The following TMEM229B variants were observed in gnomAD, a reference collection of about 807,000 sequenced individuals.
The protein encoded by TMEM229B is chromosome 14 open reading frame 83.
Under a neutral mutation model 13.7 loss-of-function variants are expected in TMEM229B, and 6 were observed. That is an observed-to-expected ratio of 0.44 (90% CI 0.24 to 0.86). TMEM229B has a LOEUF of 0.86. TMEM229B is among the 40% of genes least tolerant of loss of function. The pLI is 0.23. For missense variants in TMEM229B, 170 were observed against 236.0 expected, an observed-to-expected ratio of 0.72 and a Z score of 1.83; for synonymous variants, 107 against 102.1, an observed-to-expected ratio of 1.05 and a Z score of -0.29.
intron 2 of TMEM229B, among the ~76,000 whole-genome samples, chr14:67,481,291 A>C (rs2140091692): frequency 6.6e-6 from 1 of 152,298 alleles, no homozygotes; most frequent in Non-Finnish European, 1.5e-5. Context: ...CTTAAAAAAG[A>C]AAGAAAGAAA....
intron 1 of TMEM229B, chr14:67,533,610 C>G (rs1176289648): frequency 6.6e-6 from 1 of 152,126 alleles, no homozygotes; most frequent in Non-Finnish European, 1.5e-5. Context: ...CGCCGCGAGG[C>G]CAGGAGGAGC....
chr14:67,522,445 C>T (rs563053593), intron 1 of TMEM229B, among the ~76,000 whole-genome samples: 2 of 152,216 alleles, frequency 1.3e-5, no homozygotes, highest in East Asian at 1.9e-4. Flanking sequence ...ATTGTTGAGG[C>T]GAGCCTGGTT....
intron 1 of TMEM229B, among the ~76,000 whole-genome samples, chr14:67,532,521 C>T (rs2033496657): frequency 6.6e-6 from 1 of 152,150 alleles, no homozygotes; most frequent in South Asian, 2.1e-4. Flanking sequence ...ACGAGGAGCA[C>T]ATGGGCACGC....
At chr14:67,500,733 G>A (rs1030124309) in intron 1 of TMEM229B, among the ~76,000 whole-genome samples, 14 of 151,342 alleles carry the variant, frequency 9.3e-5, no homozygotes, top group Admixed American at 7.2e-4. Flanking sequence ...CACCACGCCC[G>A]GCTAATTTTT....
chr14:67,498,154 G>C (rs2032464332), intron 1 of TMEM229B, among the ~76,000 whole-genome samples: 1 of 152,132 alleles, frequency 6.6e-6, no homozygotes, highest in African/African-American at 2.4e-5. Context: ...CGCCTTTACA[G>C]ATTAATCTCT....
chr14:67,514,238 G>T (rs2033123056), intron 1 of TMEM229B, among the ~76,000 whole-genome samples: 1 of 152,140 alleles, frequency 6.6e-6, no homozygotes, highest in African/African-American at 2.4e-5. Context: ...ACACCCCCAG[G>T]GAAACCCTGG....
At chr14:67,520,002 C>T (rs2033267812), upstream of TMEM229B, among the ~76,000 whole-genome samples, 1 of 152,122 alleles carries the variant, frequency 6.6e-6, no homozygotes, top group Admixed American at 6.5e-5. Flanking sequence ...GGATCATAGG[C>T]GTGAGCCACC....
chr14:67,482,210 A>T (rs1195406068), intron 2 of TMEM229B, among the ~76,000 whole-genome samples: 1 of 152,170 alleles, frequency 6.6e-6, no homozygotes, highest in Non-Finnish European at 1.5e-5. Context: ...CACTAAGAGC[A>T]TCTCACCGGC....
chr14:67,473,985 G>A lies in TMEM229B; in HGVS notation c.-18-44C>T. The A allele has an allele frequency of 1.3e-6, 2 of 1,511,902 alleles. No homozygotes were observed. Among genetic ancestry groups the A allele is most frequent in the Non-Finnish European group, 1.8e-6 (2 of 1,130,986 alleles). The allele number at this position is 1,511,902 out of a possible 1,614,324, so 93.7% of individuals were successfully genotyped here. A position where few individuals can be genotyped will look rare whatever the true frequency, so the allele number is the denominator to read the frequency against. On this transcript the variant is annotated intron_variant, in intron 2 of 2. Coordinates refer to ENST00000554480, the MANE Select transcript of TMEM229B (RefSeq NM_001348543.2). The surrounding 1 kb of genome is among the most constrained non-coding windows in gnomAD (Gnocchi z 6.5). ...AGACAGGTGAGGGCCGGGCGCGGTG[G>A]CTCACGCCTATAATCCCTGCGCTTT...
chr14:67,473,295 G>T lies in TMEM229B; in HGVS notation c.*125C>A. ...CCGCGGACGTTAGGGGGCTCTGTGTGCCCTATAGGGCTGAGGCTTGGCCGG... is the reference window on the plus strand; with the variant it reads ...CCGCGGACGTTAGGGGGCTCTGTGTTCCCTATAGGGCTGAGGCTTGGCCGG... On this transcript the variant is annotated 3_prime_UTR_variant, in exon 3 of 3. Transcript: ENST00000554480. The surrounding 1 kb of genome is among the most constrained non-coding windows in gnomAD (Gnocchi z 6.5). 2 of 1,343,212 alleles carry T rather than the reference G, an allele frequency of 1.5e-6. No homozygotes were observed. The highest frequency in any genetic ancestry group is 2.0e-6 in the Non-Finnish European group (2 of 978,144). The allele number at this position is 1,343,212 out of a possible 1,614,324, so 83.2% of individuals were successfully genotyped here.
chr14:67,505,125 A>C (rs527825645), intron 1 of TMEM229B, among the ~76,000 whole-genome samples: 1 of 152,322 alleles, frequency 6.6e-6, no homozygotes, highest in Admixed American at 6.5e-5. Context: ...TAATGCTCGT[A>C]AGTGTGACAC....
upstream of TMEM229B, among the ~76,000 whole-genome samples, chr14:67,518,650 T>C (rs2033243589): frequency 6.6e-6 from 1 of 152,246 alleles, no homozygotes; most frequent in South Asian, 2.1e-4. Context: ...GCAAGAACTG[T>C]TCTGCCCTTC....
intron 1 of TMEM229B, among the ~76,000 whole-genome samples, chr14:67,505,522 GTGAT>G (rs1218959026): frequency 6.6e-6 from 1 of 152,136 alleles, no homozygotes; most frequent in Non-Finnish European, 1.5e-5. Flanking sequence ...CCAGGGATGT[GTGAT>G]TGTTTCCTTG....
chr14:67,516,137 A>G (rs2033195857), upstream of TMEM229B, among the ~76,000 whole-genome samples: 1 of 152,166 alleles, frequency 6.6e-6, no homozygotes, highest in South Asian at 2.1e-4. Flanking sequence ...GGCCCCTTGG[A>G]CTGGTCCTGG....
At position 67,508,768 on chromosome 14, in the gene TMEM229B, A is replaced by C. The variant is rs555260664; in HGVS notation, c.-192+6318T>G. Among the ~76,000 whole-genome samples, 178 of 151,064 alleles carry C rather than the reference A, an allele frequency of 1.2e-3. 3 individuals carry two copies. Among genetic ancestry groups the C allele is most frequent in the African/African-American group, 4.3e-3 (177 of 41,376 alleles). On this transcript the variant is annotated intron_variant, in intron 1 of 2. Coordinates refer to the TMEM229B transcript ENST00000357461. ...AACCTTGTCTCAAAAAAAAAAAAAA[A>C]AAACAGAAGACAATTAACTTGCTTG...
At chr14:67,490,884 G>T (rs556965999), upstream of TMEM229B, among the ~76,000 whole-genome samples, 83 of 152,248 alleles carry the variant, frequency 5.5e-4, no homozygotes, top group Admixed American at 5.4e-3. Flanking sequence ...GACCAGATAT[G>T]GGGTGGGCGT....
chr14:67,501,119 T>C (rs1450379176), intron 1 of TMEM229B, among the ~76,000 whole-genome samples: 1 of 151,384 alleles, frequency 6.6e-6, no homozygotes, highest in Non-Finnish European at 1.5e-5. Context: ...CTGCTCTGCA[T>C]GAGCTAACTT....
intron 2 of TMEM229B, among the ~76,000 whole-genome samples, chr14:67,484,659 C>T (rs2031772083): frequency 6.6e-6 from 1 of 152,128 alleles, no homozygotes; most frequent in Admixed American, 6.5e-5. Flanking sequence ...CATGGGGGCT[C>T]ACACCTGTAA....
At chr14:67,481,386 G>A (rs1018057416) in intron 2 of TMEM229B, among the ~76,000 whole-genome samples, 2 of 152,218 alleles carry the variant, frequency 1.3e-5, no homozygotes, top group Non-Finnish European at 2.9e-5. Context: ...GGAAGCCATG[G>A]GTAGTAGATG....
Sources: gnomAD v4.1 joint callset for allele counts (sites outside exome capture counted in the v4.1 genomes callset) on GRCh38, gnomAD v4.1.1 for gene constraint, Gnocchi (gnomAD v3.1) non-coding constraint, MANE v1.5 for transcripts, NCBI Gene and HGNC (gene_info 2026-07-23, HGNC 2026-07-21) for gene names.